Variants in USP26 observed in about 807,000 individuals in gnomAD.
The protein encoded by USP26 is ubiquitin specific peptidase 26.
For synonymous variants in USP26, 236 were observed against 240.6 expected (o/e 0.98, Z 0.18); for missense variants, 649 against 642.3 (o/e 1.01, Z -0.11).
Position 133,023,469 on chromosome X carries a change from T to C in USP26, c.*2010A>G, listed in dbSNP as rs893445836. Among the ~76,000 whole-genome samples, 3 of 111,911 alleles carry C rather than the reference T, an allele frequency of 2.7e-5. No individual in the cohort carries two copies. Among genetic ancestry groups the C allele is most frequent in the East Asian group, 2.8e-4 (1 of 3,538 alleles). On this transcript the variant is annotated 3_prime_UTR_variant, in exon 6 of 6. Coordinates refer to ENST00000511190, the MANE Select transcript of USP26 (RefSeq NM_031907.3). ...TACCAAAATCCTGTTCTGATATCTATGTAACTGGGCTCAACATAAACTACT... is the reference window on the plus strand; with the variant it reads ...TACCAAAATCCTGTTCTGATATCTACGTAACTGGGCTCAACATAAACTACT...
In USP26 at chrX:133,097,024, T is replaced by A. The variant is rs898184148; in HGVS notation, c.-393+6A>T. On this transcript the variant is annotated splice_donor_region_variant and intron_variant, in intron 1 of 5. Transcript: ENST00000511190. ...CTATTACAAATGAAAAGCAAATTGATCTTACAATAGTTTGTGGAAGAAGTC... is the reference window on the plus strand; with the variant it reads ...CTATTACAAATGAAAAGCAAATTGAACTTACAATAGTTTGTGGAAGAAGTC... The A allele has an allele frequency of 1.8e-5, 2 of 112,925 alleles. No individual in the cohort carries two copies. Among genetic ancestry groups the A allele is most frequent in the Non-Finnish European group, 3.7e-5 (2 of 53,383 alleles). 9.3% of individuals were successfully genotyped at this position (112,925 alleles called of 1,213,427 possible).
chrX:133,035,297 G>A (rs1297152112), intron 5 of USP26, among the ~76,000 whole-genome samples: 1 of 112,338 alleles, frequency 8.9e-6, no homozygotes, highest in Non-Finnish European at 1.9e-5. Flanking sequence ...GGAATTATTT[G>A]CTGGAAAAAT....
intron 5 of USP26, among the ~76,000 whole-genome samples, chrX:133,064,955 A>G (rs984203896): frequency 8.9e-6 from 1 of 111,740 alleles, no homozygotes. Context: ...TTTTGGAAAG[A>G]TTAACAAAAT....
At chrX:133,094,571 G>A (rs1159711544) in intron 1 of USP26, among the ~76,000 whole-genome samples, 7 of 111,035 alleles carry the variant, frequency 6.3e-5, no homozygotes, top group Non-Finnish European at 1.3e-4. Flanking sequence ...AACATTTGAC[G>A]TTACAGTTAA....
intron 5 of USP26, among the ~76,000 whole-genome samples, chrX:133,053,487 G>A (rs749427446): frequency 7.5e-4 from 80 of 106,291 alleles, no homozygotes; most frequent in African/African-American, 2.6e-3. Context: ...GCAGTGAGCT[G>A]AGATTGTACC....
intron 1 of USP26, among the ~76,000 whole-genome samples, chrX:133,094,698 CAA>C (rs2067621720): frequency 8.9e-6 from 1 of 111,874 alleles, no homozygotes; most frequent in African/African-American, 3.2e-5. Context: ...TATGATATCC[CAA>C]AAAACTTTCT....
intron 5 of USP26, among the ~76,000 whole-genome samples, chrX:133,058,343 T>A (rs1360447054): frequency 9.0e-6 from 1 of 111,309 alleles, no homozygotes; most frequent in African/African-American, 3.3e-5. Flanking sequence ...TTACTGATTT[T>A]CTGCCTGCTT....
chrX:133,040,283 G>A (rs939584313), intron 5 of USP26, among the ~76,000 whole-genome samples: 5 of 111,802 alleles, frequency 4.5e-5, no homozygotes, highest in African/African-American at 1.6e-4. Flanking sequence ...TTTCTTCACA[G>A]TATCATTAGT....
At chrX:133,043,206 G>A (rs959001261) in intron 5 of USP26, among the ~76,000 whole-genome samples, 1 of 111,915 alleles carries the variant, frequency 8.9e-6, no homozygotes, top group African/African-American at 3.2e-5. Context: ...GCTGTACAGG[G>A]ATTCACTTGC....
intron 5 of USP26, among the ~76,000 whole-genome samples, chrX:133,044,263 G>A (rs939551340): frequency 2.1e-4 from 24 of 113,345 alleles, no homozygotes; most frequent in South Asian, 3.6e-4. Context: ...CAGCCTCAGC[G>A]CCCACTCTGG....
At chrX:133,081,821 A>C (rs1602989417) in intron 5 of USP26, among the ~76,000 whole-genome samples, 1 of 111,956 alleles carries the variant, frequency 8.9e-6, no homozygotes, top group East Asian at 2.8e-4. Flanking sequence ...TATTAGTTGA[A>C]GCAAACTACA....
At chrX:133,079,193 C>T in intron 5 of USP26, among the ~76,000 whole-genome samples, 1 of 111,806 alleles carries the variant, frequency 8.9e-6, no homozygotes, top group Non-Finnish European at 1.9e-5. Context: ...GCCCCTCCAT[C>T]ATGCTATTAA....
intron 5 of USP26, among the ~76,000 whole-genome samples, chrX:133,051,030 A>C (rs2067457132): frequency 1.8e-5 from 2 of 111,958 alleles, no homozygotes; most frequent in Non-Finnish European, 3.8e-5. Context: ...ATACCTTGAC[A>C]GTTCTGGAAA....
rs1333002623 is a variant in USP26 at position 133,028,158 on chromosome X, C to G, written c.63G>C (p.Lys21Asn). Residue 21 changes from lysine to asparagine, a missense_variant, in exon 6 of 6, where the codon AAG (lysine) becomes AAC (asparagine). By Grantham distance (94) the Lys-to-Asn change is moderately conservative. Transcript: ENST00000511190. The part of the protein sequence containing the change: ...QIGNCKTGIS[K>N]SKEAFIEAVE... ...CTGCTTCAATGAATGCTTCTTTTGA[C>G]TTAGATATCCCAGTCTTGCAGTTCC... 8.3e-7 allele frequency: 1 copy of G among 1,210,574 alleles called. No individual in the cohort carries two copies. The highest frequency in any genetic ancestry group is 1.1e-6 in the Non-Finnish European group (1 of 894,592).
intron 5 of USP26, among the ~76,000 whole-genome samples, chrX:133,077,852 C>G (rs961844168): frequency 9.0e-6 from 1 of 111,599 alleles, no homozygotes; most frequent in Non-Finnish European, 1.9e-5. Context: ...GAGGCCAAGG[C>G]GGGCAGATCA....
chrX:133,076,308 C>CA (rs778970991), intron 5 of USP26, among the ~76,000 whole-genome samples: 8 of 111,080 alleles, frequency 7.2e-5, no homozygotes, highest in African/African-American at 2.3e-4. Context: ...GTGACAGACT[C>CA]ATATAAAGGC....
chrX:133,032,097 C>G (rs1374419085), intron 5 of USP26, among the ~76,000 whole-genome samples: 1 of 111,013 alleles, frequency 9.0e-6, no homozygotes, highest in Admixed American at 9.6e-5. Context: ...TGCAGTGCGC[C>G]GAGTTCATGC....
intron 5 of USP26, among the ~76,000 whole-genome samples, chrX:133,080,642 C>T (rs868766179): frequency 5.4e-5 from 6 of 111,440 alleles, no homozygotes; most frequent in Middle Eastern, 4.6e-3. Flanking sequence ...CCAGCAAACC[C>T]TATAGCAGCA....
Position 133,028,167 on chromosome X carries a change from C to T in USP26, c.54G>A (p.Gly18=). 1 of 1,210,140 alleles carries T rather than the reference C, an allele frequency of 8.3e-7. No homozygotes were observed. Among genetic ancestry groups the T allele is most frequent in the Non-Finnish European group, 1.1e-6 (1 of 894,141 alleles). ...TGAATGCTTCTTTTGACTTAGATATCCCAGTCTTGCAGTTCCCTATTTGGA... is the reference window on the plus strand; with the variant it reads ...TGAATGCTTCTTTTGACTTAGATATTCCAGTCTTGCAGTTCCCTATTTGGA... The part of the protein sequence containing the change: ...GFVQIGNCKT[G]ISKSKEAFIE... The change falls in exon 6 of 6, where the codon GGG becomes GGA. Residue 18 remains glycine, a synonymous_variant. Transcript: ENST00000511190.
Sources: allele counts gnomAD v4.1 joint callset (sites outside exome capture counted in the v4.1 genomes callset), GRCh38; gene constraint gnomAD v4.1.1; transcripts MANE v1.5; gene names NCBI Gene and HGNC (gene_info 2026-07-23, HGNC 2026-07-21).